PCDH15: variants seen among roughly 807,000 people sequenced by gnomAD.
PCDH15 encodes protocadherin related 15.
A neutral mutation model predicts 178.5 loss-of-function variants in PCDH15; 129 were observed. The observed-to-expected ratio is 0.72, with a 90% confidence interval of 0.63 to 0.84. PCDH15 has a LOEUF of 0.84. Ranked by LOEUF, PCDH15 falls within the 40% of genes least tolerant of loss-of-function variation. The pLI, the probability that PCDH15 is intolerant of heterozygous loss-of-function variation, is 0.00. For missense variants in PCDH15, 2,230 were observed against 2,099.9 expected (o/e 1.06, Z -1.21); for synonymous variants, 800 against 732.0 (o/e 1.09, Z -1.50).
At chr10:54,469,364 A>C (rs199983734) in intron 3 of PCDH15, among the ~76,000 whole-genome samples, 1 of 152,150 alleles carries the variant, frequency 6.6e-6, no homozygotes. Context: ...CCCAAAGTGC[A>C]GGGATTACAG....
At chr10:54,147,900 T>A (rs2044148434) in intron 14 of PCDH15, among the ~76,000 whole-genome samples, 1 of 152,000 alleles carries the variant, frequency 6.6e-6, no homozygotes, top group South Asian at 2.1e-4. Context: ...ATGGTCCTAC[T>A]ACTTGTTTAC....
At chr10:54,471,192 T>C (rs944149615) in intron 3 of PCDH15, among the ~76,000 whole-genome samples, 1 of 152,114 alleles carries the variant, frequency 6.6e-6, no homozygotes, top group Non-Finnish European at 1.5e-5. Flanking sequence ...ACATATTTAT[T>C]GTGTATTAAG....
At chr10:54,646,516 TA>T (rs2135095485) in intron 2 of PCDH15, among the ~76,000 whole-genome samples, 1 of 152,254 alleles carries the variant, frequency 6.6e-6, no homozygotes, top group African/African-American at 2.4e-5. Context: ...ATCATTTTCC[TA>T]AAGTTCCAGG....
chr10:54,240,337 A>T (rs1049778270), intron 8 of PCDH15, among the ~76,000 whole-genome samples: 1 of 152,004 alleles, frequency 6.6e-6, no homozygotes, highest in African/African-American at 2.4e-5. Flanking sequence ...GAAAAAAAAA[A>T]GTAGTATATA....
At chr10:55,442,296 A>T (rs1839205202) in intron 2 of PCDH15, among the ~76,000 whole-genome samples, 1 of 151,570 alleles carries the variant, frequency 6.6e-6, no homozygotes, top group Non-Finnish European at 1.5e-5. Context: ...ATTGCATGCA[A>T]ACCTCAATAT....
At chr10:55,016,114 A>G (rs1840172414) in intron 2 of PCDH15, among the ~76,000 whole-genome samples, 1 of 151,540 alleles carries the variant, frequency 6.6e-6, no homozygotes, top group South Asian at 2.1e-4. Flanking sequence ...AAAAAAAAAA[A>G]AAAAAGACTG....
intron 2 of PCDH15, among the ~76,000 whole-genome samples, chr10:55,123,826 C>T (rs1385539795): frequency 6.6e-6 from 1 of 152,138 alleles, no homozygotes; most frequent in African/African-American, 2.4e-5. Flanking sequence ...TCAGTTTCAT[C>T]CACGATATTA....
intron 2 of PCDH15, among the ~76,000 whole-genome samples, chr10:54,620,388 G>C (rs2134415918): frequency 6.6e-6 from 1 of 152,072 alleles, no homozygotes; most frequent in African/African-American, 2.4e-5. Context: ...AGATAAAAAA[G>C]ATTCTAATAT....
intron 20 of PCDH15, among the ~76,000 whole-genome samples, chr10:53,997,772 A>G (rs1469773682): frequency 6.6e-6 from 1 of 152,200 alleles, no homozygotes; most frequent in Non-Finnish European, 1.5e-5. Flanking sequence ...AAGACTGTAA[A>G]TGACTGAAGC....
At chr10:54,381,367 G>T (rs1949214781) in intron 3 of PCDH15, among the ~76,000 whole-genome samples, 1 of 152,160 alleles carries the variant, frequency 6.6e-6, no homozygotes, top group African/African-American at 2.4e-5. Context: ...GATCTGAAAA[G>T]CTAGTGTTCT....
At chr10:54,294,824 T>C (rs567052784) in intron 8 of PCDH15, among the ~76,000 whole-genome samples, 1 of 152,316 alleles carries the variant, frequency 6.6e-6, no homozygotes, top group South Asian at 2.1e-4. Context: ...CTCATATTAT[T>C]TTTGATAAAG....
intron 2 of PCDH15, among the ~76,000 whole-genome samples, chr10:55,526,235 C>A (rs1257332348): frequency 6.6e-6 from 1 of 151,848 alleles, no homozygotes; most frequent in Non-Finnish European, 1.5e-5. Flanking sequence ...ATAATCAACA[C>A]AATTCTATTT....
Position 54,099,513 on chromosome 10 carries a change from A to AAAAAAATATAT in PCDH15, c.1918-9451_1918-9450insATATATTTTTT, listed in dbSNP as rs1347306483. On this transcript the variant is annotated intron_variant, in intron 15 of 37. Coordinates refer to ENST00000644397, the MANE Select transcript of PCDH15 (RefSeq NM_001384140.1). Reference sequence around the variant, plus strand: ...GACTCCATCTCAAAAAAAAAAAAAAAATATATATATATATATATAAAACAA... The same window carrying AAAAAAATATAT: ...GACTCCATCTCAAAAAAAAAAAAAAAAAAAAATATATATATATATATATATATATAAAACAA... Among the ~76,000 whole-genome samples the AAAAAAATATAT allele has an allele frequency of 6.7e-4, 79 of 117,880 alleles. 1 individual carries two copies. In the East Asian group the frequency reaches 0.011, roughly 17 times the overall value. The allele number at this position is 117,880 out of a possible 152,430, so 77.3% of individuals were successfully genotyped here.
intron 3 of PCDH15, among the ~76,000 whole-genome samples, chr10:54,387,746 G>A (rs574846974): frequency 6.6e-6 from 1 of 152,164 alleles, no homozygotes; most frequent in South Asian, 2.1e-4. Flanking sequence ...TAAACCCCTA[G>A]TTTTAGTCAG....
chr10:55,572,581 G>A (rs1303611518), intron 2 of PCDH15, among the ~76,000 whole-genome samples: 1 of 151,998 alleles, frequency 6.6e-6, no homozygotes, highest in African/African-American at 2.4e-5. Context: ...AGTAAGTGAG[G>A]AGAGATAAAC....
At chr10:55,586,697 T>C (rs1380427253) in intron 2 of PCDH15, among the ~76,000 whole-genome samples, 1 of 152,206 alleles carries the variant, frequency 6.6e-6, no homozygotes, top group African/African-American at 2.4e-5. Context: ...CTAACAAATG[T>C]ATGTTTTAAG....
At chr10:55,544,168 ATATATATT>A (rs1841828441) in intron 2 of PCDH15, among the ~76,000 whole-genome samples, 8 of 134,976 alleles carry the variant, frequency 5.9e-5, no homozygotes, top group Non-Finnish European at 1.1e-4. Flanking sequence ...ATATATATAT[ATATATATT>A]ATACTGACAG....
chr10:54,330,573 G>C (rs1034326224), intron 6 of PCDH15, among the ~76,000 whole-genome samples: 1 of 151,696 alleles, frequency 6.6e-6, no homozygotes. Flanking sequence ...AAAAAATCCA[G>C]GTTATATATC....
At chr10:54,248,021 ATAATTT>A (rs1431787520) in intron 8 of PCDH15, among the ~76,000 whole-genome samples, 1 of 150,666 alleles carries the variant, frequency 6.6e-6, no homozygotes, top group Non-Finnish European at 1.5e-5. Context: ...TTTTAAATTG[ATAATTT>A]TAATGCTTTT....
Sources: allele counts gnomAD v4.1 joint callset (sites outside exome capture counted in the v4.1 genomes callset), GRCh38; gene constraint gnomAD v4.1.1; transcripts MANE v1.5; gene names NCBI Gene and HGNC (gene_info 2026-07-23, HGNC 2026-07-21).